Variants in TNIK observed in about 807,000 individuals in gnomAD.
The protein encoded by TNIK is TRAF2 and NCK interacting kinase.
Under a neutral mutation model 191.3 loss-of-function variants are expected in TNIK, and 49 were observed. The observed-to-expected ratio is 0.26, with a 90% CI of 0.20 to 0.32. TNIK has a LOEUF of 0.32. Ranked by LOEUF, TNIK falls within the 10% of genes least tolerant of loss-of-function variation. The pLI is 1.00. For missense variants in TNIK, 1,155 were observed against 1,702.3 expected (o/e 0.68, Z 5.66); for synonymous variants, 594 against 600.9 (o/e 0.99, Z 0.17).
chr3:171,173,220 TAAAA>T (rs35147904), intron 9 of TNIK, among the ~76,000 whole-genome samples: 1 of 133,152 alleles, frequency 7.5e-6, no homozygotes. Flanking sequence ...CTGTCTCTAC[TAAAA>T]AAAAAAAAAA....
chr3:171,223,594 T>C (rs1012729309), intron 3 of TNIK, among the ~76,000 whole-genome samples: 5 of 152,174 alleles, frequency 3.3e-5, no homozygotes, highest in Non-Finnish European at 5.9e-5. Context: ...TTGGCAGCCA[T>C]GTTACATTGA....
rs377177740 is a variant in TNIK, at chr3:171,447,852, C to T, written c.57+12155G>A. Among the ~76,000 whole-genome samples the T allele has an allele frequency of 2.2e-3, 340 of 152,274 alleles. 4 individuals carry two copies. Among genetic ancestry groups the T allele is most frequent in the African/African-American group, 8.0e-3 (331 of 41,536 alleles). ...TAGAAATAACCTCAAGCTTCATCAA[C>T]AGGAACTGGTTAAATATATTATGAT... On this transcript the variant is annotated intron_variant, in intron 1 of 32. Transcript: ENST00000436636.
chr3:171,085,372 G>A (rs552380479), intron 24 of TNIK, 143 bp from the exon 25 acceptor site: 8 of 639,248 alleles, frequency 1.3e-5, no homozygotes, highest in Admixed American at 1.0e-4. Context: ...TAGTCAGTGC[G>A]TGCCTGTCTC....
chr3:171,206,335 G>GTATATATATA (rs60356829), intron 4 of TNIK, among the ~76,000 whole-genome samples: 5,847 of 132,946 alleles, frequency 0.044, 250 homozygotes, highest in Middle Eastern at 0.087. Context: ...ATATGTTCGT[G>GTATATATATA]TATATATATA....
intron 2 of TNIK, among the ~76,000 whole-genome samples, chr3:171,365,998 G>A (rs142173651): frequency 9.1e-4 from 139 of 152,288 alleles, no homozygotes; most frequent in East Asian, 2.1e-3. Flanking sequence ...TGGCTAATTT[G>A]TAGTGGTATC....
intron 2 of TNIK, among the ~76,000 whole-genome samples, chr3:171,352,077 G>T (rs923879975): frequency 1.3e-5 from 2 of 152,194 alleles, no homozygotes; most frequent in Non-Finnish European, 2.9e-5. Flanking sequence ...GGTTTGGAAA[G>T]GCCTGAGATT....
rs1285093373 is a variant in TNIK at position 171,159,798 on chromosome 3, G to C, written c.1016+1472C>G. ...TTCAGGATTTCATGAAGATTAATTA[G>C]ATACGTCCATAAAAACAGGACTTGG... On this transcript the variant is annotated intron_variant, in intron 11 of 32. Transcript: ENST00000436636. This position sits in a 1 kb window ranked among gnomAD's most constrained non-coding sequence, Gnocchi z 4.1. 5.3e-5 allele frequency among the ~76,000 whole-genome samples: 8 copies of C among 152,170 alleles called. No homozygotes were observed. The East Asian group carries it at 1.3e-3, about 26-fold the overall frequency.
intron 1 of TNIK, among the ~76,000 whole-genome samples, chr3:171,446,166 G>C (rs1335430972): frequency 6.6e-6 from 1 of 152,180 alleles, no homozygotes; most frequent in Non-Finnish European, 1.5e-5. Flanking sequence ...CTTTTCTCAT[G>C]ACCCTGTCCT....
intron 3 of TNIK, among the ~76,000 whole-genome samples, chr3:171,224,498 C>T (rs1293669693): frequency 6.6e-6 from 1 of 151,882 alleles, no homozygotes; most frequent in Non-Finnish European, 1.5e-5. Context: ...AACCATAGCT[C>T]CTTCACACTT....
At chr3:171,421,553 T>C (rs1005800203) in intron 1 of TNIK, among the ~76,000 whole-genome samples, 1 of 152,112 alleles carries the variant, frequency 6.6e-6, no homozygotes, top group African/African-American at 2.4e-5. Context: ...ACTGTAGTTC[T>C]CAGCTATTTA....
chr3:171,341,070 G>C (rs1472836221), intron 2 of TNIK, among the ~76,000 whole-genome samples: 4 of 152,122 alleles, frequency 2.6e-5, no homozygotes, highest in African/African-American at 4.8e-5. Context: ...TGAGCTTATG[G>C]CTATTAATGC....
rs1400526151 is a variant in TNIK, at chr3:171,063,812, A to C, written c.*69T>G. On this transcript the variant is annotated 3_prime_UTR_variant, in exon 33 of 33. Coordinates refer to ENST00000436636, the MANE Select transcript of TNIK (RefSeq NM_015028.4). ...CTGATTCTGCCTCTAGACTGGCATA[A>C]GTCCACATGAGTTATGTTCTTTTAA... The C allele has an allele frequency of 3.6e-5, 55 of 1,516,614 alleles. No homozygotes were observed. The highest frequency in any genetic ancestry group is 4.9e-5 in the Non-Finnish European group (54 of 1,106,636). 93.9% of individuals were successfully genotyped at this position (1,516,614 alleles called of 1,614,324 possible). A position where few individuals can be genotyped will look rare whatever the true frequency, so the allele number is the denominator to read the frequency against.
At chr3:171,123,536 C>A in intron 18 of TNIK, 60 bp downstream of exon 18, 1 of 1,371,046 alleles carries the variant, frequency 7.3e-7, no homozygotes, top group Non-Finnish European at 9.8e-7. Flanking sequence ...TCTAGGAAAG[C>A]AATAATGACA....
At chr3:171,447,581 T>C (rs1430709278) in intron 1 of TNIK, among the ~76,000 whole-genome samples, 1 of 152,248 alleles carries the variant, frequency 6.6e-6, no homozygotes, top group Non-Finnish European at 1.5e-5. Flanking sequence ...CTCAGCCACT[T>C]AGTAGCTCTA....
chr3:171,258,689 C>T (rs1193463411), intron 2 of TNIK, among the ~76,000 whole-genome samples: 1 of 152,112 alleles, frequency 6.6e-6, no homozygotes, highest in Non-Finnish European at 1.5e-5. Flanking sequence ...CCATTTCTTC[C>T]AGGGACACCA....
chr3:171,162,687 C>A (rs1214530102), intron 10 of TNIK, among the ~76,000 whole-genome samples: 1 of 152,144 alleles, frequency 6.6e-6, no homozygotes, highest in Non-Finnish European at 1.5e-5. Context: ...TTACTCTGTT[C>A]TCTCATTTAT....
At chr3:171,119,650 A>G (rs1232678453) in intron 18 of TNIK, among the ~76,000 whole-genome samples, 1 of 152,214 alleles carries the variant, frequency 6.6e-6, no homozygotes, top group Non-Finnish European at 1.5e-5. Flanking sequence ...TTGTAGGGAC[A>G]TGTATGAAGC....
chr3:171,100,713 A>G (rs1346240865), intron 22 of TNIK, among the ~76,000 whole-genome samples: 1 of 148,302 alleles, frequency 6.7e-6, no homozygotes, highest in African/African-American at 2.6e-5. Context: ...CACTCCAATA[A>G]GAAAAAAAAA....
intron 1 of TNIK, among the ~76,000 whole-genome samples, chr3:171,448,344 C>G (rs1187261636): frequency 6.6e-6 from 1 of 152,190 alleles, no homozygotes; most frequent in Non-Finnish European, 1.5e-5. Flanking sequence ...TTATTCCAGA[C>G]ATTTTATATA....
Sources: allele counts gnomAD v4.1 joint callset (sites outside exome capture counted in the v4.1 genomes callset), GRCh38; gene constraint gnomAD v4.1.1; non-coding constraint Gnocchi (gnomAD v3.1); transcripts MANE v1.5; gene names NCBI Gene and HGNC (gene_info 2026-07-23, HGNC 2026-07-21).